CSMD1: variants seen among roughly 807,000 people sequenced by gnomAD.
The protein encoded by CSMD1 is CUB and Sushi multiple domains 1.
Under a neutral mutation model 417.5 loss-of-function variants are expected in CSMD1, and 213 were observed. The observed-to-expected ratio is 0.51, with a 90% CI of 0.46 to 0.57. The LOEUF (loss-of-function observed/expected upper bound fraction) is 0.57, where lower values mean the gene tolerates loss of function less well. CSMD1 is among the 20% of genes least tolerant of loss of function. CSMD1 has a pLI of 0.00. For missense variants in CSMD1, 6,923 were observed against 4,529.7 expected, an observed-to-expected ratio of 1.53 and a Z score of -15.17; for synonymous variants, 2,862 against 1,736.8, an observed-to-expected ratio of 1.65 and a Z score of -16.11.
In CSMD1 at chr8:3,118,604, G is replaced by C. The variant is rs1185916454; in HGVS notation, c.6242-17C>G. 2 of 1,607,140 alleles carry C rather than the reference G, an allele frequency of 1.2e-6. No individual in the cohort carries two copies. The highest frequency in any genetic ancestry group is 1.7e-6 in the Non-Finnish European group (2 of 1,176,542). ...ATTCATAGGCTGAAAGAAACAAACAGACAAAATAAAGCTTATATTTGTGAG... is the reference window on the plus strand; with the variant it reads ...ATTCATAGGCTGAAAGAAACAAACACACAAAATAAAGCTTATATTTGTGAG... On this transcript the variant is annotated splice_polypyrimidine_tract_variant and intron_variant, in intron 41 of 69. Coordinates refer to ENST00000635120, the MANE Select transcript of CSMD1 (RefSeq NM_033225.6).
chr8:3,924,841 G>A (rs867514810), intron 5 of CSMD1, among the ~76,000 whole-genome samples: 3 of 151,852 alleles, frequency 2.0e-5, no homozygotes, highest in Non-Finnish European at 4.4e-5. Flanking sequence ...TAATTTTTTT[G>A]TCAGGCGGTT....
intron 3 of CSMD1, among the ~76,000 whole-genome samples, chr8:4,245,505 G>A (rs1631394): frequency 1.1e-3 from 168 of 152,046 alleles, no homozygotes; most frequent in African/African-American, 3.8e-3. Context: ...GCCTAAGGTT[G>A]GATGTTTCCC....
chr8:3,965,704 G>T (rs192361785), intron 5 of CSMD1, among the ~76,000 whole-genome samples: 1 of 152,028 alleles, frequency 6.6e-6, no homozygotes, highest in African/African-American at 2.4e-5. Context: ...TACAACCTCT[G>T]CCTCCCACTT....
At chr8:4,899,147 G>C (rs1194327484) in intron 1 of CSMD1, among the ~76,000 whole-genome samples, 1 of 152,148 alleles carries the variant, frequency 6.6e-6, no homozygotes, top group Non-Finnish European at 1.5e-5. Context: ...TAGGCAAATT[G>C]AGCTAAAACC....
intron 2 of CSMD1, among the ~76,000 whole-genome samples, chr8:4,427,921 T>C (rs1319910895): frequency 1.3e-5 from 2 of 152,196 alleles, no homozygotes; most frequent in Non-Finnish European, 2.9e-5. Flanking sequence ...GCCCTTTATT[T>C]AAGGCACTTT....
chr8:3,761,334 A>G (rs10441628), intron 5 of CSMD1, among the ~76,000 whole-genome samples: 31,387 of 152,060 alleles, frequency 0.21, 3,581 homozygotes, highest in South Asian at 0.3. Context: ...TTACATAGTT[A>G]CCAATATTTC....
intron 1 of CSMD1, among the ~76,000 whole-genome samples, chr8:4,912,300 G>C (rs1038178654): frequency 1.3e-5 from 2 of 151,816 alleles, no homozygotes; most frequent in Non-Finnish European, 2.9e-5. Flanking sequence ...GACGTGGACA[G>C]AAACAGAATC....
intron 54 of CSMD1, among the ~76,000 whole-genome samples, chr8:2,986,697 G>C (rs1051763570): frequency 1.2e-4 from 18 of 152,080 alleles, no homozygotes; most frequent in African/African-American, 4.1e-4. Flanking sequence ...GTAGAGACGG[G>C]TTTTCACTCT....
intron 3 of CSMD1, among the ~76,000 whole-genome samples, chr8:4,202,391 C>T (rs937868010): frequency 5.9e-5 from 9 of 152,132 alleles, no homozygotes; most frequent in African/African-American, 2.2e-4. Flanking sequence ...TCTAACAGTT[C>T]ATTCTTAAGC....
At chr8:3,129,682 T>G (rs115013246) in intron 41 of CSMD1, among the ~76,000 whole-genome samples, 2,555 of 149,564 alleles carry the variant, frequency 0.017, 67 homozygotes, top group African/African-American at 0.059. Flanking sequence ...ACAAAACCAT[T>G]TTTTAAAAAA....
At chr8:3,179,325 A>G (rs1358319012) in intron 37 of CSMD1, among the ~76,000 whole-genome samples, 1 of 152,210 alleles carries the variant, frequency 6.6e-6, no homozygotes, top group Non-Finnish European at 1.5e-5. Context: ...GGCATAAACT[A>G]TCAGAATGGT....
At chr8:4,418,276 C>T (rs764050055) in intron 3 of CSMD1, among the ~76,000 whole-genome samples, 30 of 152,076 alleles carry the variant, frequency 2.0e-4, no homozygotes, top group Admixed American at 1.2e-3. Context: ...GGCCCTATTC[C>T]ATTTTCTAGA....
At chr8:3,048,097 C>T (rs1466070002) in intron 50 of CSMD1, among the ~76,000 whole-genome samples, 3 of 151,658 alleles carry the variant, frequency 2.0e-5, no homozygotes, top group Non-Finnish European at 2.9e-5. Context: ...TCTGTGATAC[C>T]CAAAGAGCTG....
At chr8:3,776,551 C>G (rs1764649186) in intron 5 of CSMD1, among the ~76,000 whole-genome samples, 1 of 152,090 alleles carries the variant, frequency 6.6e-6, no homozygotes, top group Non-Finnish European at 1.5e-5. Context: ...CATAGAATGC[C>G]AGATATTCTC....
At chr8:4,714,597 G>A (rs189436072) in intron 1 of CSMD1, among the ~76,000 whole-genome samples, 4 of 151,840 alleles carry the variant, frequency 2.6e-5, no homozygotes, top group East Asian at 2.0e-4. Context: ...GAATAACACA[G>A]CTGAGATTCA....
chr8:4,291,324 T>A (rs1379755041), intron 3 of CSMD1, among the ~76,000 whole-genome samples: 1 of 152,146 alleles, frequency 6.6e-6, no homozygotes, highest in East Asian at 1.9e-4. Flanking sequence ...ATAATGATCA[T>A]AATACTTTCC....
chr8:4,689,130 A>T (rs1408359873), intron 1 of CSMD1, among the ~76,000 whole-genome samples: 2 of 152,202 alleles, frequency 1.3e-5, no homozygotes, highest in African/African-American at 4.8e-5. Context: ...CTTAGTGATC[A>T]TATAATGCCT....
intron 23 of CSMD1, among the ~76,000 whole-genome samples, chr8:3,320,072 G>A (rs1035003664): frequency 5.3e-5 from 8 of 152,072 alleles, no homozygotes; most frequent in African/African-American, 1.4e-4. Context: ...CAGCATAGAG[G>A]GGCTGCCACC....
chr8:4,989,698 A>T (rs1175615095), intron 1 of CSMD1, among the ~76,000 whole-genome samples: 1 of 152,204 alleles, frequency 6.6e-6, no homozygotes, highest in Non-Finnish European at 1.5e-5. Context: ...CAGCAGAAAA[A>T]TTACCAGAGG....
Sources: gnomAD v4.1 joint callset for allele counts (sites outside exome capture counted in the v4.1 genomes callset) on GRCh38, gnomAD v4.1.1 for gene constraint, MANE v1.5 for transcripts, NCBI Gene and HGNC (gene_info 2026-07-23, HGNC 2026-07-21) for gene names.